GRM8: variants seen among roughly 807,000 people sequenced by gnomAD.
The protein encoded by GRM8 is glutamate metabotropic receptor 8.
GRM8 carries 47 observed loss-of-function variants against 87.2 expected under a neutral mutation model. The ratio of observed to expected loss-of-function variants is 0.54; its 90% CI spans 0.43 to 0.69. The LOEUF is 0.69. Among genes scored for constraint, GRM8 ranks in the 30% least tolerant of loss-of-function variants. The pLI, the probability that GRM8 is intolerant of heterozygous loss-of-function variation, is 0.00. For missense variants in GRM8, 1,019 were observed against 1,139.2 expected, an observed-to-expected ratio of 0.89 and a Z score of 1.52; for synonymous variants, 396 against 404.5, an observed-to-expected ratio of 0.98 and a Z score of 0.25.
rs1331805794 is a variant in GRM8, at chr7:126,473,341, A to G, written c.2431-26969T>C. Among the ~76,000 whole-genome samples the G allele has an allele frequency of 2.0e-5, 3 of 152,342 alleles. No individual in the cohort carries two copies. The South Asian group carries it at 6.2e-4, about 32-fold the overall frequency. ...AGCATGACCTGGATGTGAAACATGT[A>G]GTCAAAGGAGATCATTTTGGAGCTT... On this transcript the variant is annotated intron_variant, in intron 9 of 10. Transcript: ENST00000339582.
At chr7:126,901,577 T>C (rs1419456) in intron 6 of GRM8, among the ~76,000 whole-genome samples, 116,255 of 151,884 alleles carry the variant, frequency 0.77, 44,795 homozygotes, top group East Asian at 0.97. Flanking sequence ...TCTGTTTATA[T>C]GTCTGTGCTA....
intron 6 of GRM8, among the ~76,000 whole-genome samples, chr7:126,831,694 T>C (rs1036550673): frequency 1.3e-5 from 2 of 152,116 alleles, no homozygotes; most frequent in Non-Finnish European, 2.9e-5. Flanking sequence ...TGGTGCACAG[T>C]GCGCTGCACC....
At chr7:126,948,099 T>C (rs1807741575) in intron 3 of GRM8, among the ~76,000 whole-genome samples, 1 of 152,122 alleles carries the variant, frequency 6.6e-6, no homozygotes. Flanking sequence ...GGATGCACAG[T>C]TCCAAGACAA....
chr7:127,175,984 G>T (rs1366552761), intron 2 of GRM8, among the ~76,000 whole-genome samples: 1 of 152,160 alleles, frequency 6.6e-6, no homozygotes, highest in Non-Finnish European at 1.5e-5. Context: ...TAGTAACAAT[G>T]TATTGGTTGA....
chr7:126,938,506 T>C (rs555110449), intron 3 of GRM8, among the ~76,000 whole-genome samples: 1 of 152,198 alleles, frequency 6.6e-6, no homozygotes, highest in South Asian at 2.1e-4. Context: ...TACATATGCA[T>C]GAGCTAAAGG....
chr7:127,127,258 A>G (rs575733960), intron 2 of GRM8, among the ~76,000 whole-genome samples: 8 of 152,184 alleles, frequency 5.3e-5, no homozygotes, highest in Non-Finnish European at 8.8e-5. Context: ...CATCTACCAC[A>G]TAATCCAGCA....
At chr7:126,881,884 A>G (rs1800054252) in intron 6 of GRM8, among the ~76,000 whole-genome samples, 1 of 152,188 alleles carries the variant, frequency 6.6e-6, no homozygotes, top group Non-Finnish European at 1.5e-5. Flanking sequence ...AAAATTATAT[A>G]TGTATAAGTA....
At chr7:126,641,761 G>A (rs1310658045) in intron 7 of GRM8, among the ~76,000 whole-genome samples, 1 of 152,154 alleles carries the variant, frequency 6.6e-6, no homozygotes, top group Non-Finnish European at 1.5e-5. Flanking sequence ...ACATGATCTT[G>A]CAGCAGAGAC....
intron 3 of GRM8, among the ~76,000 whole-genome samples, chr7:126,990,209 G>A (rs1293143694): frequency 6.6e-6 from 1 of 151,896 alleles, no homozygotes; most frequent in Non-Finnish European, 1.5e-5. Flanking sequence ...CTGTGGCTAG[G>A]AACACTAAAT....
rs1828476320 is a variant in GRM8, at chr7:127,144,985, AATATTTG to A, written c.511-38280_511-38274del. On this transcript the variant is annotated intron_variant, in intron 2 of 10. Transcript: ENST00000339582. Reference sequence around the variant, plus strand: ...TTTAATATATGCATCTTTTCCCCAAAATATTTGCATTAAGTCGACAAACATTTGAACA... The same window carrying A: ...TTTAATATATGCATCTTTTCCCCAAACATTAAGTCGACAAACATTTGAACA... Among the ~76,000 whole-genome samples, 5 of 152,238 alleles carry A rather than the reference AATATTTG, an allele frequency of 3.3e-5. No individual in the cohort carries two copies. In the South Asian group the frequency reaches 1.0e-3, roughly 32 times the overall value.
rs904155416 is a variant in GRM8, at chr7:126,685,885, A to G, written c.1358-76387T>C. The stretch of plus-strand genomic sequence containing the variant: ...GCCTGAACCCTGGGGGCTGGGAGCC[A>G]TTCCCGCATACCAGAAGGTGAACTC... On this transcript the variant is annotated intron_variant, in intron 7 of 10. Transcript: ENST00000339582. This position sits in a 1 kb window ranked among gnomAD's most constrained non-coding sequence, Gnocchi z 4.2. 2.6e-5 allele frequency among the ~76,000 whole-genome samples: 4 copies of G among 151,988 alleles called. No homozygotes were observed. The highest frequency in any genetic ancestry group is 2.1e-4 in the South Asian group (1 of 4,826).
intron 6 of GRM8, among the ~76,000 whole-genome samples, chr7:126,775,089 T>A (rs1435675940): frequency 6.6e-6 from 1 of 152,122 alleles, no homozygotes; most frequent in Admixed American, 6.6e-5. Context: ...GTATAAATAA[T>A]CCCACAATCT....
chr7:127,153,203 G>A (rs1792516311), intron 2 of GRM8, among the ~76,000 whole-genome samples: 1 of 152,064 alleles, frequency 6.6e-6, no homozygotes, highest in African/African-American at 2.4e-5. Context: ...ATAGTCCACA[G>A]GAAAGGCATA....
intron 2 of GRM8, among the ~76,000 whole-genome samples, chr7:127,176,568 A>C (rs1296253423): frequency 2.0e-5 from 3 of 152,130 alleles, no homozygotes; most frequent in Admixed American, 2.0e-4. Context: ...GCAATTACAA[A>C]CCAAAAATCC....
chr7:127,047,226 GT>G (rs1819016216), intron 3 of GRM8, among the ~76,000 whole-genome samples: 1 of 152,164 alleles, frequency 6.6e-6, no homozygotes, highest in Non-Finnish European at 1.5e-5. Context: ...TAGTTGAGTA[GT>G]TGATACAGAA....
Position 126,541,251 on chromosome 7 carries a change from G to C in GRM8, c.1495-7364C>G, listed in dbSNP as rs1180210629. 3.3e-5 allele frequency among the ~76,000 whole-genome samples: 5 copies of C among 152,146 alleles called. No individual in the cohort carries two copies. The East Asian group carries it at 9.6e-4, about 29-fold the overall frequency. On this transcript the variant is annotated intron_variant, in intron 8 of 10. Transcript: ENST00000339582. ...TGGATGTGCAGACAGCAGTCTGGAGGTTGCACAGGAGACAAGGCACAGAAG... is the reference window on the plus strand; with the variant it reads ...TGGATGTGCAGACAGCAGTCTGGAGCTTGCACAGGAGACAAGGCACAGAAG...
intron 9 of GRM8, among the ~76,000 whole-genome samples, chr7:126,500,498 A>G (rs1048021613): frequency 2.0e-5 from 3 of 151,948 alleles, no homozygotes; most frequent in African/African-American, 7.2e-5. Context: ...GTACCTCCCC[A>G]TAAGAACTGG....
chr7:127,034,662 G>A (rs1586811958), intron 3 of GRM8, among the ~76,000 whole-genome samples: 1 of 152,080 alleles, frequency 6.6e-6, no homozygotes, highest in East Asian at 1.9e-4. Context: ...ATGTCACAGA[G>A]GTACATCCCT....
chr7:127,216,903 G>C (rs1252620378), intron 2 of GRM8, among the ~76,000 whole-genome samples: 3 of 152,078 alleles, frequency 2.0e-5, no homozygotes, highest in Admixed American at 1.3e-4. Flanking sequence ...CACTTTGAGA[G>C]GGCCCTTCCC....
Sources: gnomAD v4.1 joint callset for allele counts (sites outside exome capture counted in the v4.1 genomes callset) on GRCh38, gnomAD v4.1.1 for gene constraint, Gnocchi (gnomAD v3.1) non-coding constraint, MANE v1.5 for transcripts, NCBI Gene and HGNC (gene_info 2026-07-23, HGNC 2026-07-21) for gene names.